The following ATP12A variants were observed in gnomAD, a reference collection of about 807,000 sequenced individuals.
ATP12A encodes potassium-transporting ATPase alpha chain 2.
A neutral mutation model predicts 111.2 loss-of-function variants in ATP12A; 81 were observed. The observed-to-expected ratio is 0.73, with a 90% confidence interval of 0.61 to 0.88. The LOEUF (loss-of-function observed/expected upper bound fraction) is 0.88, where lower values mean the gene tolerates loss of function less well. ATP12A is among the 40% of genes least tolerant of loss of function. The pLI is 0.00. For missense variants in ATP12A, 1,196 were observed against 1,313.1 expected, an observed-to-expected ratio of 0.91 and a Z score of 1.38; for synonymous variants, 498 against 499.8, an observed-to-expected ratio of 1.00 and a Z score of 0.05.
Position 24,693,980 on chromosome 13 carries a change from C to T in ATP12A, c.1378-464C>T, listed in dbSNP as rs1012177539. Among the ~76,000 whole-genome samples the T allele has an allele frequency of 2.0e-5, 3 of 152,172 alleles. No individual in the cohort carries two copies. The East Asian group carries it at 5.8e-4, about 29-fold the overall frequency. ...GCTTTTATAGTCACTTAACTTTGCT[C>T]AAAATCTCTCCGTACTTCCCTGTTT... On this transcript the variant is annotated intron_variant, in intron 10 of 22. Transcript: ENST00000381946.
chr13:24,689,283 G>A lies in ATP12A; in HGVS notation c.454G>A (p.Gly152Ser). The A allele has an allele frequency of 6.2e-7, 1 of 1,614,054 alleles. No individual in the cohort carries two copies. The highest frequency in any genetic ancestry group is 8.5e-7 in the Non-Finnish European group (1 of 1,179,980). ...CCAGGTGTACTTGGGCTGTGTGCTT[G>A]GTCTGGTGGTCATTTTAACGGGGAT... Reference protein sequence around the residue: ...LNNVYLGCVLGLVVILTGIFA... With the variant: ...LNNVYLGCVLSLVVILTGIFA... The change falls in exon 5 of 23, where the codon GGT (glycine) becomes AGT (serine). Residue 152 changes from glycine (G) to serine (S), a missense_variant. This residue lies in a region of ATP12A where 1,126 missense variants were observed against 1,228.5 expected (regional missense o/e 0.92). Transcript: ENST00000381946.
chr13:24,701,487 G>C (rs12877205), intron 13 of ATP12A, among the ~76,000 whole-genome samples: 11,343 of 125,052 alleles, frequency 0.091, 600 homozygotes, highest in Middle Eastern at 0.16. Context: ...GGCAACAAGA[G>C]TGAAACTCTG....
At chr13:24,689,676 T>G (rs1874798821) in intron 5 of ATP12A, among the ~76,000 whole-genome samples, 1 of 152,308 alleles carries the variant, frequency 6.6e-6, no homozygotes, top group African/African-American at 2.4e-5. Flanking sequence ...GAGTGTTCTT[T>G]CACTGGCAGC....
chr13:24,680,777 G>A (rs1467420228), intron 1 of ATP12A, 25 bp downstream of exon 1: 3 of 1,483,024 alleles, frequency 2.0e-6, no homozygotes, highest in Admixed American at 2.3e-5. Context: ...CGCGCCGGCC[G>A]AGGATGCGAG....
At position 24,685,146 on chromosome 13, in the gene ATP12A, C is replaced by A. The variant is rs1238172269; in HGVS notation, c.169-168C>A. ...ACTCCTGAGGCAGTGCCATCCTTCG[C>A]TGGGCAGCTGCCTGGCACAGGGGTT... On this transcript the variant is annotated intron_variant, in intron 2 of 22. Transcript: ENST00000381946. The surrounding 1 kb of genome is among the most constrained non-coding windows in gnomAD (Gnocchi z 5.5). Among the ~76,000 whole-genome samples, 1 of 152,220 alleles carries A rather than the reference C, an allele frequency of 6.6e-6. No homozygotes were observed. The highest frequency in any genetic ancestry group is 1.5e-5 in the Non-Finnish European group (1 of 68,024).
At position 24,700,822 on chromosome 13, in the gene ATP12A, C is replaced by T. The variant is rs752142201; in HGVS notation, c.1781C>T (p.Pro594Leu). ...TTTGACATAGACGCTATGAACTTTC[C>T]GACCTCCAACCTCTGTTTTGTGGGA... ...YSFDIDAMNF[P>L]TSNLCFVGLL... The change falls in exon 13 of 23, where the codon CCG becomes CTG. Residue 594 changes from proline (P) to leucine (L), a missense_variant. Physicochemically the swap from Pro to Leu is moderately conservative, Grantham distance 98. Transcript: ENST00000381946. 1.8e-5 allele frequency: 29 copies of T among 1,613,988 alleles called. No individual in the cohort carries two copies. Among genetic ancestry groups the T allele is most frequent in the African/African-American group, 1.3e-4 (10 of 74,910 alleles).
chr13:24,681,573 A>T lies in ATP12A; in HGVS notation c.21A>T (p.Glu7Asp). 1 of 1,610,566 alleles carries T rather than the reference A, an allele frequency of 6.2e-7. No individual in the cohort carries two copies. The highest frequency in any genetic ancestry group is 2.2e-5 in the East Asian group (1 of 44,868). Residue 7 changes from glutamate to aspartate, a missense_variant, in exon 2 of 23, where the codon GAA becomes GAT. This residue lies in a region of ATP12A where 67 missense variants were observed against 64.0 expected (regional missense o/e 1.05). Coordinates refer to ENST00000381946, the MANE Select transcript of ATP12A (RefSeq NM_001676.7). Reference sequence around the variant, plus strand: ...GGCTTCTCTTTCAGAAAACCCCAGAAATTTACTCCGTGGAGCTCAGCGGAA... The same window carrying T: ...GGCTTCTCTTTCAGAAAACCCCAGATATTTACTCCGTGGAGCTCAGCGGAA... MHQKTP[E>D]IYSVELSGTK... is the part of the protein sequence containing the mutation.
chr13:24,696,886 C>T (rs552602871), intron 11 of ATP12A, among the ~76,000 whole-genome samples: 36 of 152,128 alleles, frequency 2.4e-4, no homozygotes, highest in African/African-American at 6.7e-4. Context: ...TGGAAGGAGA[C>T]GTCTCTGCGG....
chr13:24,705,846 A>T (rs1038896722), intron 14 of ATP12A, among the ~76,000 whole-genome samples: 4 of 151,884 alleles, frequency 2.6e-5, no homozygotes, highest in South Asian at 2.1e-4. Context: ...ATTTTTTAAA[A>T]TTTTTTGTAG....
In ATP12A at chr13:24,692,827, A is replaced by G. The variant is rs768749384; in HGVS notation, c.1308A>G (p.Leu436=). 15 of 1,614,068 alleles carry G rather than the reference A, an allele frequency of 9.3e-6. No homozygotes were observed. The highest frequency in any genetic ancestry group is 3.3e-4 in the Middle Eastern group (2 of 6,084). The part of the protein sequence containing the change: ...FDQSSRTWAS[L]SKIITLCNRA... ...AAAGCTCTAGGACTTGGGCCTCCTTATCCAAGATAATAACATTGTGTAACC... is the reference window on the plus strand; with the variant it reads ...AAAGCTCTAGGACTTGGGCCTCCTTGTCCAAGATAATAACATTGTGTAACC... The change falls in exon 10 of 23, where the codon TTA becomes TTG. Residue 436 remains leucine, a synonymous_variant. Coordinates refer to ENST00000381946, the MANE Select transcript of ATP12A (RefSeq NM_001676.7).
chr13:24,680,793 G>T, intron 1 of ATP12A, 41 bp downstream of exon 1: 1 of 1,474,700 alleles, frequency 6.8e-7, no homozygotes. Flanking sequence ...GCGAGACGCT[G>T]GGCCAAGGCC....
At chr13:24,686,256 T>C (rs1018789547) in intron 3 of ATP12A, among the ~76,000 whole-genome samples, 14 of 151,202 alleles carry the variant, frequency 9.3e-5, no homozygotes, top group African/African-American at 3.4e-4. Flanking sequence ...CTGACCAACA[T>C]AGTGAAACCC....
At chr13:24,689,463 C>CG in intron 5 of ATP12A, 88 bp downstream of exon 5, 1 of 1,121,378 alleles carries the variant, frequency 8.9e-7, no homozygotes, top group South Asian at 1.3e-5. Flanking sequence ...CTGAGGGCTA[C>CG]GGGTTTCCAC....
chr13:24,689,982 C>T (rs534255792), intron 5 of ATP12A, among the ~76,000 whole-genome samples: 24 of 152,246 alleles, frequency 1.6e-4, no homozygotes, highest in African/African-American at 5.5e-4. Context: ...GATTGCTCAC[C>T]CTTAGTGGTC....
intron 11 of ATP12A, among the ~76,000 whole-genome samples, chr13:24,698,274 T>C (rs914029389): frequency 1.3e-5 from 2 of 151,944 alleles, no homozygotes; most frequent in Admixed American, 6.6e-5. Context: ...GAGCTCAGAA[T>C]AGTTTGGGTC....
intron 14 of ATP12A, among the ~76,000 whole-genome samples, chr13:24,705,564 C>T (rs946991870): frequency 2.6e-5 from 4 of 152,212 alleles, no homozygotes; most frequent in Non-Finnish European, 5.9e-5. Flanking sequence ...ACAAAGATGA[C>T]ACTCTGTAAA....
chr13:24,690,827 A>G, intron 7 of ATP12A, 106 bp downstream of exon 7: 2 of 1,445,490 alleles, frequency 1.4e-6, no homozygotes, highest in Non-Finnish European at 9.5e-7. Flanking sequence ...CTCATCCCAG[A>G]GGAAGCATGG....
intron 13 of ATP12A, 24 bp downstream of exon 13, chr13:24,700,946 A>G (rs1875368365): frequency 1.2e-6 from 2 of 1,609,478 alleles, no homozygotes; most frequent in Non-Finnish European, 1.7e-6. Context: ...TCCTGACTCA[A>G]GAAGTTCTTT....
At chr13:24,690,776 TG>T in intron 7 of ATP12A, 55 bp downstream of exon 7, 1 of 1,539,060 alleles carries the variant, frequency 6.5e-7, no homozygotes, top group Non-Finnish European at 8.9e-7. Context: ...TTCTCCCTCC[TG>T]GGCTCTCAGG....
Sources: gnomAD v4.1 joint callset for allele counts (sites outside exome capture counted in the v4.1 genomes callset) on GRCh38, gnomAD v4.1.1 for gene constraint, gnomAD v4.1.1 regional missense constraint, Gnocchi (gnomAD v3.1) non-coding constraint, MANE v1.5 for transcripts, NCBI Gene and HGNC (gene_info 2026-07-23, HGNC 2026-07-21) for gene names.